Variants in SCN8A observed in about 807,000 individuals in gnomAD.
The protein encoded by SCN8A is sodium channel protein type 8 subunit alpha.
SCN8A carries 30 observed loss-of-function variants against 184.1 expected under a neutral mutation model. The observed-to-expected ratio is 0.16, with a 90% CI of 0.12 to 0.22. The LOEUF (loss-of-function observed/expected upper bound fraction) is 0.22, where lower values mean the gene tolerates loss of function less well. Among genes scored for constraint, SCN8A ranks in the 10% least tolerant of loss-of-function variants. The probability of loss-of-function intolerance (pLI) is 1.00; values close to 1 mark genes in which losing one functional copy is unlikely to be tolerated. For synonymous variants in SCN8A, 852 were observed against 907.0 expected (o/e 0.94, Z 1.09); for missense variants, 1,057 against 2,498.9 (o/e 0.42, Z 12.30).
At chr12:51,713,252 G>T in intron 11 of SCN8A, 1 of 1,135,654 alleles carries the variant, frequency 8.8e-7, no homozygotes, top group Non-Finnish European at 1.3e-6. Flanking sequence ...TGGGCACCAG[G>T]CTTCACAGAA....
chr12:51,798,851 T>C (rs1364153284), intron 26 of SCN8A, among the ~76,000 whole-genome samples: 1 of 152,250 alleles, frequency 6.6e-6, no homozygotes, highest in Non-Finnish European at 1.5e-5. Flanking sequence ...TTGTCACCAA[T>C]CATGCTTCTT....
Position 51,710,872 on chromosome 12 carries a change from A to G in SCN8A, c.1635+4157A>G, listed in dbSNP as rs186286126. On this transcript the variant is annotated intron_variant, in intron 11 of 26. Coordinates refer to ENST00000627620, the MANE Select transcript of SCN8A (RefSeq NM_001330260.2). The stretch of plus-strand genomic sequence containing the variant: ...ATTTGTTGCTTTTTACTCTACATAT[A>G]GAAAGTACTCTACATATACTCTGTG... 1.8e-4 allele frequency among the ~76,000 whole-genome samples: 28 copies of G among 152,300 alleles called. 1 individual carries two copies. The highest frequency in any genetic ancestry group is 7.2e-4 in the Admixed American group (11 of 15,300).
chr12:51,630,686 A>G (rs1467733104), intron 1 of SCN8A, among the ~76,000 whole-genome samples: 1 of 152,030 alleles, frequency 6.6e-6, no homozygotes, highest in Non-Finnish European at 1.5e-5. Flanking sequence ...ATGACAAGTG[A>G]CACTTCCTCT....
intron 1 of SCN8A, among the ~76,000 whole-genome samples, chr12:51,649,005 G>T (rs1160490944): frequency 4.6e-5 from 7 of 152,278 alleles, no homozygotes; most frequent in African/African-American, 1.7e-4. Flanking sequence ...ATACAATTGG[G>T]GGTACAGGTA....
chr12:51,677,996 T>C (rs1467118141), intron 2 of SCN8A, among the ~76,000 whole-genome samples: 4 of 152,242 alleles, frequency 2.6e-5, no homozygotes, highest in African/African-American at 9.6e-5. Flanking sequence ...AAGCTTGCTG[T>C]CCTTTCCACT....
At chr12:51,723,847 TAAAA>T (rs34404145) in intron 12 of SCN8A, among the ~76,000 whole-genome samples, 4 of 148,986 alleles carry the variant, frequency 2.7e-5, no homozygotes, top group Non-Finnish European at 4.5e-5. Context: ...GACTCCATCT[TAAAA>T]AAAAAAAAAT....
intron 22 of SCN8A, among the ~76,000 whole-genome samples, chr12:51,787,400 T>A (rs1938116394): frequency 6.6e-6 from 1 of 152,226 alleles, no homozygotes; most frequent in African/African-American, 2.4e-5. Context: ...TCACTGCCTC[T>A]CTCACCAGTG....
In SCN8A at chr12:51,732,067, A is replaced by G. The variant is rs1002751942; in HGVS notation, c.1998+10159A>G. ...TTTCCTTGCTGTGCAGAAGCTTTTT[A>G]ACTTGATGTGATCCCATCTGTCCAT... On this transcript the variant is annotated intron_variant, in intron 12 of 26. Coordinates refer to ENST00000627620, the MANE Select transcript of SCN8A (RefSeq NM_001330260.2). 3.3e-5 allele frequency among the ~76,000 whole-genome samples: 5 copies of G among 152,058 alleles called. No individual in the cohort carries two copies. The South Asian group carries it at 1.0e-3, about 32-fold the overall frequency.
intron 1 of SCN8A, among the ~76,000 whole-genome samples, chr12:51,601,558 A>G (rs1939464075): frequency 6.6e-6 from 1 of 151,912 alleles, no homozygotes; most frequent in African/African-American, 2.4e-5. Context: ...CAAAAGCTTT[A>G]TAGGTCAAAG....
At chr12:51,645,684 G>C (rs1298535660) in intron 1 of SCN8A, among the ~76,000 whole-genome samples, 2 of 151,818 alleles carry the variant, frequency 1.3e-5, no homozygotes, top group East Asian at 3.9e-4. Context: ...AACATGTGCT[G>C]TATCCACTCA....
At chr12:51,670,718 A>G (rs183840560) in intron 2 of SCN8A, among the ~76,000 whole-genome samples, 3 of 152,332 alleles carry the variant, frequency 2.0e-5, no homozygotes, top group Non-Finnish European at 2.9e-5. Context: ...CTATGAAATA[A>G]TGAAGGTCTG....
chr12:51,724,517 A>G (rs1363583971), intron 12 of SCN8A, among the ~76,000 whole-genome samples: 1 of 152,258 alleles, frequency 6.6e-6, no homozygotes, highest in Admixed American at 6.5e-5. Context: ...AATAAATGTT[A>G]TAGATACTTA....
At chr12:51,697,471 T>C (rs976551144) in intron 6 of SCN8A, among the ~76,000 whole-genome samples, 1 of 152,200 alleles carries the variant, frequency 6.6e-6, no homozygotes, top group African/African-American at 2.4e-5. Context: ...GAAAATTCTA[T>C]TGGGCTCGAC....
At chr12:51,788,905 C>A (rs1466346323) in intron 23 of SCN8A, among the ~76,000 whole-genome samples, 157 bp downstream of exon 23, 1 of 152,050 alleles carries the variant, frequency 6.6e-6, no homozygotes, top group Non-Finnish European at 1.5e-5. Context: ...GATTATAGAT[C>A]ATTTTCCTCG....
chr12:51,660,345 A>C (rs1008402143), intron 1 of SCN8A, among the ~76,000 whole-genome samples: 1 of 152,238 alleles, frequency 6.6e-6, no homozygotes, highest in Non-Finnish European at 1.5e-5. Flanking sequence ...AGGTGCCTGC[A>C]ATTAGATCAC....
chr12:51,774,125 C>A lies in SCN8A; in HGVS notation c.3646-64C>A. The stretch of plus-strand genomic sequence containing the variant: ...ATGTGGGACGGCTCCCTGAGGATAG[C>A]AGTGCTCCCTGTGGCCTGCTTGCCT... On this transcript the variant is annotated intron_variant, in intron 19 of 26. Transcript: ENST00000627620. The A allele has an allele frequency of 2.6e-6, 4 of 1,510,870 alleles. No individual in the cohort carries two copies. The South Asian group carries it at 4.8e-5, about 18-fold the overall frequency. 93.6% of individuals were successfully genotyped at this position (1,510,870 alleles called of 1,614,324 possible). A position where few individuals can be genotyped will look rare whatever the true frequency, so the allele number is the denominator to read the frequency against.
At chr12:51,608,723 T>G (rs1939653371) in intron 1 of SCN8A, among the ~76,000 whole-genome samples, 2 of 152,236 alleles carry the variant, frequency 1.3e-5, no homozygotes. Context: ...TTTTTTTGTT[T>G]CAATTTCATT....
At chr12:51,726,763 C>A (rs955900911) in intron 12 of SCN8A, among the ~76,000 whole-genome samples, 1 of 152,122 alleles carries the variant, frequency 6.6e-6, no homozygotes, top group African/African-American at 2.4e-5. Flanking sequence ...CCTTTTCTTA[C>A]ACATTTTTGG....
rs547893977 is a variant in SCN8A, at chr12:51,679,033, A to G, written c.277-5141A>G. On this transcript the variant is annotated intron_variant, in intron 2 of 26. Transcript: ENST00000627620. ...GGAGGTTGCAGTGAGCCGAGATCACACCGCTGCACTCCAGCCTAGGCAGCA... is the reference window on the plus strand; with the variant it reads ...GGAGGTTGCAGTGAGCCGAGATCACGCCGCTGCACTCCAGCCTAGGCAGCA... Among the ~76,000 whole-genome samples, 3 of 151,838 alleles carry G rather than the reference A, an allele frequency of 2.0e-5. No homozygotes were observed. In the South Asian group the frequency reaches 6.3e-4, roughly 32 times the overall value.
Sources: gnomAD v4.1 joint callset for allele counts (sites outside exome capture counted in the v4.1 genomes callset) on GRCh38, gnomAD v4.1.1 for gene constraint, MANE v1.5 for transcripts, NCBI Gene and HGNC (gene_info 2026-07-23, HGNC 2026-07-21) for gene names.